The following RASSF3 variants were observed in gnomAD, a reference collection of about 807,000 sequenced individuals.
RASSF3 encodes the protein ras association domain-containing protein 3.
A neutral mutation model predicts 19.9 loss-of-function variants in RASSF3; 19 were observed. The observed-to-expected ratio is 0.96, with a 90% CI of 0.67 to 1.40. The LOEUF (loss-of-function observed/expected upper bound fraction) is 1.40, where lower values mean the gene tolerates loss of function less well. Ranked by LOEUF, RASSF3 falls within the 40% of genes most tolerant of loss-of-function variation. The pLI is 0.00. For synonymous variants in RASSF3, 110 were observed against 104.2 expected (o/e 1.06, Z -0.34); for missense variants, 306 against 289.8 (o/e 1.06, Z -0.41).
At chr12:64,683,687 A>C (rs1873220563) in intron 1 of RASSF3, among the ~76,000 whole-genome samples, 1 of 152,240 alleles carries the variant, frequency 6.6e-6, no homozygotes, top group Non-Finnish European at 1.5e-5. Flanking sequence ...AAGACAACAG[A>C]GTTAATACAA....
intron 2 of RASSF3, among the ~76,000 whole-genome samples, chr12:64,569,311 G>A (rs2335540): frequency 3.9e-3 from 594 of 152,340 alleles, no homozygotes; most frequent in African/African-American, 0.013. Flanking sequence ...GTTAGAAAAA[G>A]GCCCCTGCTC....
At chr12:64,642,911 G>A (rs1217275223) in intron 1 of RASSF3, among the ~76,000 whole-genome samples, 2 of 149,872 alleles carry the variant, frequency 1.3e-5, no homozygotes, top group Non-Finnish European at 3.0e-5. Flanking sequence ...TGTTGCCCAA[G>A]CTGGAATGCA....
intron 1 of RASSF3, among the ~76,000 whole-genome samples, chr12:64,682,043 G>A (rs1484661526): frequency 6.6e-6 from 1 of 152,134 alleles, no homozygotes; most frequent in African/African-American, 2.4e-5. Flanking sequence ...AGTCTCTGGA[G>A]CTTTTGAAAG....
chr12:64,695,736 C>T lies in RASSF3; in HGVS notation c.*824C>T, dbSNP rs1284142728. 1 of 152,254 alleles carries T rather than the reference C, an allele frequency of 6.6e-6. No homozygotes were observed. The highest frequency in any genetic ancestry group is 6.5e-5 in the Admixed American group (1 of 15,280). 9.4% of individuals were successfully genotyped at this position (152,254 alleles called of 1,614,324 possible). ...CAATCAGAGAATCAGGCAGGTGTAG[C>T]CTACTGACCTGGGCAGAGGTGGGCC... is the stretch of plus-strand genomic sequence containing the variant. On this transcript the variant is annotated 3_prime_UTR_variant, in exon 5 of 5. Coordinates refer to ENST00000542104, the MANE Select transcript of RASSF3 (RefSeq NM_178169.4).
intron 1 of RASSF3, among the ~76,000 whole-genome samples, chr12:64,652,779 G>C (rs962229624): frequency 6.6e-6 from 1 of 152,170 alleles, no homozygotes; most frequent in Non-Finnish European, 1.5e-5. Context: ...CTTGGGAAAT[G>C]TTGATTTTGT....
chr12:64,631,536 AATGTATGTATGTATGTATGTATGTATGT>A (rs10532504), intron 1 of RASSF3, among the ~76,000 whole-genome samples: 2 of 146,452 alleles, frequency 1.4e-5, no homozygotes, highest in South Asian at 2.2e-4. Flanking sequence ...CATCGTATGT[AATGTATGTATGTATGTATGTATGTATGT>A]ATGTATGTAT....
intron 1 of RASSF3, among the ~76,000 whole-genome samples, chr12:64,638,712 A>T (rs1401029443): frequency 6.6e-6 from 1 of 151,918 alleles, no homozygotes; most frequent in Non-Finnish European, 1.5e-5. Flanking sequence ...CGTTTCCCCC[A>T]GTTCATTTTG....
chr12:64,684,374 G>A (rs1031756053), intron 1 of RASSF3, among the ~76,000 whole-genome samples: 19 of 150,764 alleles, frequency 1.3e-4, no homozygotes, highest in Admixed American at 1.2e-3. Flanking sequence ...TTCCACCACC[G>A]TGCCCGGCCC....
chr12:64,566,393 A>G (rs1752431261), intron 2 of RASSF3, among the ~76,000 whole-genome samples: 1 of 152,248 alleles, frequency 6.6e-6, no homozygotes, highest in South Asian at 2.1e-4. Context: ...AACACATTCC[A>G]AAGCAGAACT....
Position 64,515,347 on chromosome 12 carries a change from G to A in RASSF3, c.169+8018G>A, listed in dbSNP as rs1010500225. On this transcript the variant is annotated intron_variant, in intron 1 of 5. Coordinates refer to the RASSF3 transcript ENST00000637125. ...CATGATTACAGGCATGAGCCACCAC[G>A]CCTGGCCTAATTAAACATTTTAGAT... 3.3e-5 allele frequency among the ~76,000 whole-genome samples: 5 copies of A among 151,930 alleles called. No individual in the cohort carries two copies. The South Asian group carries it at 8.3e-4, about 25-fold the overall frequency.
chr12:64,514,576 A>G (rs1868349592), intron 1 of RASSF3, among the ~76,000 whole-genome samples: 1 of 152,114 alleles, frequency 6.6e-6, no homozygotes, highest in African/African-American at 2.4e-5. Context: ...TGGACTGCAG[A>G]GGGGGACCCA....
At chr12:64,528,824 T>G (rs965412525), upstream of RASSF3, among the ~76,000 whole-genome samples, 1 of 152,190 alleles carries the variant, frequency 6.6e-6, no homozygotes, top group Non-Finnish European at 1.5e-5. Flanking sequence ...CAGTGACTGA[T>G]GATGCTGGAG....
chr12:64,551,989 A>C (rs7966390), intron 2 of RASSF3, among the ~76,000 whole-genome samples: 30,421 of 152,170 alleles, frequency 0.2, 4,833 homozygotes, highest in African/African-American at 0.44. Context: ...AGCTTTCCAA[A>C]AGCCATCAGA....
chr12:64,533,643 G>A (rs1868761979), intron 1 of RASSF3: 1 of 152,184 alleles, frequency 6.6e-6, no homozygotes. Context: ...CAGCTCAGGA[G>A]GTTTCATTTT....
rs371515835 is a variant in RASSF3, at chr12:64,694,843, G to A, written c.648G>A (p.Leu216=). 2.6e-5 allele frequency: 42 copies of A among 1,614,102 alleles called. No homozygotes were observed. The highest frequency in any genetic ancestry group is 3.5e-5 in the Non-Finnish European group (41 of 1,180,040). Residue 216 remains leucine, a synonymous_variant, in exon 5 of 5, where the codon CTG becomes CTA. Coordinates refer to ENST00000542104, the MANE Select transcript of RASSF3 (RefSeq NM_178169.4). ...AAGAAGATGAACAGCTGCAGAACCT[G>A]AAGAGGCGCTACACAGCCTACAGGC... ...DKEEDEQLQN[L]KRRYTAYRQK... is the part of the protein sequence containing the mutation.
chr12:64,616,682 G>A (rs574186436), intron 1 of RASSF3, among the ~76,000 whole-genome samples: 4 of 152,316 alleles, frequency 2.6e-5, no homozygotes, highest in African/African-American at 9.6e-5. Context: ...GGCTAACTTA[G>A]CCTCTTTGCA....
chr12:64,507,892 G>T (rs1240991737), intron 1 of RASSF3, among the ~76,000 whole-genome samples: 1 of 152,122 alleles, frequency 6.6e-6, no homozygotes, highest in African/African-American at 2.4e-5. Flanking sequence ...CTGCCTGACT[G>T]GAATATGCAA....
chr12:64,583,437 C>G (rs917635452), intron 2 of RASSF3, among the ~76,000 whole-genome samples: 1 of 152,124 alleles, frequency 6.6e-6, no homozygotes, highest in Non-Finnish European at 1.5e-5. Flanking sequence ...GCCTGGCCAA[C>G]ATGGTAAAAC....
At chr12:64,528,533 T>G (rs1401574137), upstream of RASSF3, among the ~76,000 whole-genome samples, 1 of 152,202 alleles carries the variant, frequency 6.6e-6, no homozygotes, top group Non-Finnish European at 1.5e-5. Flanking sequence ...CCTGCTGGTT[T>G]TACAGCGGTC....
Sources: allele counts gnomAD v4.1 joint callset (sites outside exome capture counted in the v4.1 genomes callset), GRCh38; gene constraint gnomAD v4.1.1; transcripts MANE v1.5; gene names NCBI Gene and HGNC (gene_info 2026-07-23, HGNC 2026-07-21).